Variants in LPP observed in about 807,000 individuals in gnomAD.
LPP encodes the protein lipoma-preferred partner.
A neutral mutation model predicts 60.4 loss-of-function variants in LPP; 38 were observed. The observed-to-expected ratio is 0.63, with a 90% CI of 0.49 to 0.83. LPP has a LOEUF of 0.83. Among genes scored for constraint, LPP ranks in the 40% least tolerant of loss-of-function variants. The pLI, the probability that LPP is intolerant of heterozygous loss-of-function variation, is 0.00. For missense variants in LPP, 902 were observed against 783.6 expected, an observed-to-expected ratio of 1.15 and a Z score of -1.80; for synonymous variants, 328 against 290.8, an observed-to-expected ratio of 1.13 and a Z score of -1.30.
At chr3:188,250,877 A>T (rs1205913424) in intron 2 of LPP, among the ~76,000 whole-genome samples, 787 of 62,842 alleles carry the variant, frequency 0.013, no homozygotes, top group Middle Eastern at 0.044. Context: ...TTTTTCTTTC[A>T]CTCTCTCTCT....
At chr3:188,428,551 A>G (rs1034627979) in intron 4 of LPP, among the ~76,000 whole-genome samples, 1 of 150,298 alleles carries the variant, frequency 6.7e-6, no homozygotes, top group African/African-American at 2.4e-5. Flanking sequence ...ACCCTCAAGT[A>G]TTGTAATGTA....
At chr3:188,541,884 C>T (rs190652621) in intron 6 of LPP, among the ~76,000 whole-genome samples, 1,523 of 151,834 alleles carry the variant, frequency 0.01, 9 homozygotes, top group Non-Finnish European at 0.015. Context: ...GTGACAAGAG[C>T]GAAACTCCAT....
At chr3:188,154,048 C>A, upstream of LPP, 1 of 157,320 alleles carries the variant, frequency 6.4e-6, no homozygotes, top group Non-Finnish European at 1.4e-5. Context: ...CGGCCCGGGG[C>A]GCGGGGCGTG....
At chr3:188,475,059 C>T (rs1802819012) in intron 4 of LPP, among the ~76,000 whole-genome samples, 1 of 152,214 alleles carries the variant, frequency 6.6e-6, no homozygotes, top group Admixed American at 6.5e-5. Context: ...TGTTATCCAA[C>T]CACTGCATGA....
chr3:188,731,320 T>C (rs1295494148), intron 8 of LPP, among the ~76,000 whole-genome samples: 1 of 152,142 alleles, frequency 6.6e-6, no homozygotes, highest in Admixed American at 6.5e-5. Flanking sequence ...TTTTTGGTGC[T>C]GGTATTTCCA....
At chr3:188,355,756 A>T (rs941469324) in intron 3 of LPP, among the ~76,000 whole-genome samples, 2 of 152,222 alleles carry the variant, frequency 1.3e-5, no homozygotes, top group Non-Finnish European at 2.9e-5. Flanking sequence ...CACGTTGTAG[A>T]AAAGTTTGAT....
rs186383397 is a variant in LPP at position 188,600,351 on chromosome 3, A to G, written c.430-8810A>G. On this transcript the variant is annotated intron_variant, in intron 6 of 11. Coordinates refer to ENST00000617246, the MANE Select transcript of LPP (RefSeq NM_001375462.1). ...TAGCAAAATAGGAAAAGTATATAGA[A>G]TAGCCAAAAATAACCCCTTTAAAAT... is the stretch of plus-strand genomic sequence containing the variant. Among the ~76,000 whole-genome samples, 56 of 150,924 alleles carry G rather than the reference A, an allele frequency of 3.7e-4. 1 individual carries two copies. The highest frequency in any genetic ancestry group is 1.3e-3 in the African/African-American group (55 of 41,366).
chr3:188,622,659 C>T (rs889334564), intron 7 of LPP, among the ~76,000 whole-genome samples: 19 of 151,930 alleles, frequency 1.3e-4, no homozygotes, highest in Admixed American at 1.1e-3. Context: ...TCCTCAAAAT[C>T]GATATGTATT....
chr3:188,755,566 G>A (rs1048640049), intron 8 of LPP, among the ~76,000 whole-genome samples: 10 of 152,172 alleles, frequency 6.6e-5, no homozygotes, highest in Non-Finnish European at 1.2e-4. Flanking sequence ...CACCTCAGGA[G>A]GCCAAGGTTG....
chr3:188,629,866 A>T (rs1238050601), intron 7 of LPP, among the ~76,000 whole-genome samples: 1 of 152,170 alleles, frequency 6.6e-6, no homozygotes, highest in Non-Finnish European at 1.5e-5. Context: ...ACTTCATGGT[A>T]CTGGGACAAA....
At chr3:188,526,700 C>A (rs1424264735) in intron 6 of LPP, among the ~76,000 whole-genome samples, 3 of 152,194 alleles carry the variant, frequency 2.0e-5, no homozygotes, top group Non-Finnish European at 2.9e-5. Context: ...TCCTCACTGA[C>A]CCTGCTCTTG....
At chr3:188,350,731 T>A (rs1280578889) in intron 3 of LPP, among the ~76,000 whole-genome samples, 1 of 152,180 alleles carries the variant, frequency 6.6e-6, no homozygotes, top group Non-Finnish European at 1.5e-5. Flanking sequence ...CTTCTTACTG[T>A]CCACAGAGCA....
intron 4 of LPP, among the ~76,000 whole-genome samples, chr3:188,421,942 T>C (rs1242413020): frequency 6.6e-6 from 1 of 152,146 alleles, no homozygotes; most frequent in Non-Finnish European, 1.5e-5. Context: ...TATTTCTTAT[T>C]GTGATAATTG....
intron 6 of LPP, among the ~76,000 whole-genome samples, chr3:188,602,895 TC>T (rs1473124727): frequency 6.6e-6 from 1 of 151,872 alleles, no homozygotes; most frequent in Non-Finnish European, 1.5e-5. Context: ...GCACAACTCT[TC>T]AATTGCATGC....
intron 6 of LPP, among the ~76,000 whole-genome samples, chr3:188,594,866 C>T (rs1839679247): frequency 6.6e-6 from 1 of 152,142 alleles, no homozygotes; most frequent in East Asian, 1.9e-4. Flanking sequence ...AATTACCACT[C>T]ATAATTTTTG....
intron 2 of LPP, chr3:188,240,249 C>G (rs538206197): frequency 5.8e-6 from 1 of 172,136 alleles, no homozygotes; most frequent in Admixed American, 6.4e-5. Flanking sequence ...AAATTTTAAG[C>G]CAAAAAGTAG....
chr3:188,674,200 T>G (rs2149289840), intron 7 of LPP, among the ~76,000 whole-genome samples: 1 of 152,314 alleles, frequency 6.6e-6, no homozygotes, highest in African/African-American at 2.4e-5. Context: ...ATACTAGGGT[T>G]GCAACAATTT....
At chr3:188,175,139 T>C (rs541710530) in intron 1 of LPP, among the ~76,000 whole-genome samples, 6 of 152,156 alleles carry the variant, frequency 3.9e-5, no homozygotes, top group Non-Finnish European at 7.4e-5. Flanking sequence ...CAGCCTGGAG[T>C]GCAGTCGTGG....
At chr3:188,454,970 C>T (rs1025940094) in intron 4 of LPP, among the ~76,000 whole-genome samples, 2 of 152,094 alleles carry the variant, frequency 1.3e-5, no homozygotes, top group African/African-American at 2.4e-5. Context: ...CAATGTTATT[C>T]GAAAGCCAAC....
Sources: gnomAD v4.1 joint callset for allele counts (sites outside exome capture counted in the v4.1 genomes callset) on GRCh38, gnomAD v4.1.1 for gene constraint, MANE v1.5 for transcripts, NCBI Gene and HGNC (gene_info 2026-07-23, HGNC 2026-07-21) for gene names.